SLC24A2: variants seen among roughly 807,000 people sequenced by gnomAD.
The protein encoded by SLC24A2 is solute carrier family 24 member 2.
In SLC24A2, 36 loss-of-function variants were observed where a neutral mutation model predicts 62.0. The ratio of observed to expected loss-of-function variants is 0.58; its 90% CI spans 0.44 to 0.77. The LOEUF (loss-of-function observed/expected upper bound fraction) is 0.77. SLC24A2 is among the 30% of genes least tolerant of loss of function. The pLI, the probability that SLC24A2 is intolerant of heterozygous loss-of-function variation, is 0.00. For synonymous variants in SLC24A2, 358 were observed against 294.0 expected, an observed-to-expected ratio of 1.22 and a Z score of -2.23; for missense variants, 846 against 817.9, an observed-to-expected ratio of 1.03 and a Z score of -0.42.
intron 8 of SLC24A2, among the ~76,000 whole-genome samples, chr9:19,547,284 A>G (rs934837555): frequency 6.6e-6 from 1 of 152,172 alleles, no homozygotes; most frequent in Non-Finnish European, 1.5e-5. Flanking sequence ...TTGGGGGAGC[A>G]ATGAAGTAAA....
At chr9:20,007,742 A>T in the SLC24A2 span, among the ~76,000 whole-genome samples, 1 of 152,026 alleles carries the variant, frequency 6.6e-6, no homozygotes, top group Non-Finnish European at 1.5e-5. Flanking sequence ...GAATTAGTTC[A>T]GCACAGTTTT....
At chr9:19,685,262 G>A (rs1819846630) in intron 2 of SLC24A2, among the ~76,000 whole-genome samples, 1 of 152,066 alleles carries the variant, frequency 6.6e-6, no homozygotes. Context: ...AATCATAGAT[G>A]ACACAAACAA....
At chr9:20,165,610 A>T in the SLC24A2 span, among the ~76,000 whole-genome samples, 2 of 151,986 alleles carry the variant, frequency 1.3e-5, no homozygotes, top group Non-Finnish European at 2.9e-5. Context: ...AAATACAACC[A>T]TTGCCCCCAC....
chr9:19,509,866 T>A lies in SLC24A2; in HGVS notation c.*6287A>T, dbSNP rs1412575477. ...AATATGTAAGAATGCAGAAACAAAT[T>A]CCCATCCTTTTGGTGAACCCTGGCC... On this transcript the variant is annotated 3_prime_UTR_variant, in exon 11 of 11. Transcript: ENST00000341998. The A allele has an allele frequency of 6.6e-6, 1 of 152,078 alleles. No individual in the cohort carries two copies. Among genetic ancestry groups the A allele is most frequent in the East Asian group, 1.9e-4 (1 of 5,170 alleles). The allele number at this position is 152,078 out of a possible 1,614,324, so 9.4% of individuals were successfully genotyped here.
the SLC24A2 span, among the ~76,000 whole-genome samples, chr9:19,973,395 C>T: frequency 4.5e-4 from 68 of 152,356 alleles, no homozygotes; most frequent in Middle Eastern, 0.01. Context: ...ACAGACCCTA[C>T]ATCCAGTGAA....
the SLC24A2 span, among the ~76,000 whole-genome samples, chr9:20,234,736 A>C: frequency 1.3e-5 from 2 of 152,226 alleles, no homozygotes; most frequent in South Asian, 2.1e-4. Context: ...CGTCAAAGTC[A>C]TTCTCCATCC....
chr9:19,966,553 A>G, the SLC24A2 span, among the ~76,000 whole-genome samples: 1 of 152,186 alleles, frequency 6.6e-6, no homozygotes, highest in Non-Finnish European at 1.5e-5. Flanking sequence ...TCAACTCTAG[A>G]CACTTAAATA....
the SLC24A2 span, among the ~76,000 whole-genome samples, chr9:20,031,075 T>C: frequency 6.6e-6 from 1 of 151,724 alleles, no homozygotes; most frequent in African/African-American, 2.4e-5. Flanking sequence ...ATTTAGAATA[T>C]AGAGAGAGAT....
chr9:20,306,455 C>T, the SLC24A2 span, among the ~76,000 whole-genome samples: 1 of 152,190 alleles, frequency 6.6e-6, no homozygotes, highest in Non-Finnish European at 1.5e-5. Context: ...AAAGGTTCCA[C>T]AAATAGAGAA....
chr9:19,717,607 A>C (rs1820895865), intron 2 of SLC24A2, among the ~76,000 whole-genome samples: 1 of 152,238 alleles, frequency 6.6e-6, no homozygotes, highest in Admixed American at 6.5e-5. Flanking sequence ...AGTCTATACA[A>C]AGCCATCTAC....
intron 7 of SLC24A2, 72 bp from the exon 8 acceptor site, chr9:19,550,340 C>G: frequency 6.7e-7 from 1 of 1,492,132 alleles, no homozygotes; most frequent in Admixed American, 1.7e-5. Flanking sequence ...AACAGGAGCA[C>G]AGAACAAAGG....
chr9:19,746,459 G>A (rs1490869837), intron 2 of SLC24A2, among the ~76,000 whole-genome samples: 1 of 152,008 alleles, frequency 6.6e-6, no homozygotes, highest in African/African-American at 2.4e-5. Context: ...ATAGCATGTG[G>A]AGTCTCATGG....
the SLC24A2 span, among the ~76,000 whole-genome samples, chr9:20,270,031 G>A: frequency 5.9e-5 from 9 of 152,312 alleles, no homozygotes; most frequent in East Asian, 3.9e-4. Flanking sequence ...AGGGGAAGCA[G>A]ACGTGTGAAG....
chr9:19,986,165 T>A, the SLC24A2 span, among the ~76,000 whole-genome samples: 1 of 151,932 alleles, frequency 6.6e-6, no homozygotes, highest in Non-Finnish European at 1.5e-5. Context: ...AAATGACCAA[T>A]AAGCGCATGA....
chr9:19,953,134 A>T, the SLC24A2 span, among the ~76,000 whole-genome samples: 6 of 152,030 alleles, frequency 3.9e-5, no homozygotes, highest in Non-Finnish European at 8.8e-5. Context: ...CATTCTTGAC[A>T]TTGGTAATTT....
rs368092168 is a variant in SLC24A2, at chr9:19,639,376, G to A, written c.931-17077C>T. On this transcript the variant is annotated intron_variant, in intron 2 of 10. Transcript: ENST00000341998. ...CCTTGTTTTGGATTAATCTTGTGAC[G>A]CTTTGGGCAACAGAATATGGTGGAA... Among the ~76,000 whole-genome samples the A allele has an allele frequency of 6.3e-4, 96 of 152,220 alleles. 2 individuals carry two copies. The highest frequency in any genetic ancestry group is 2.2e-3 in the African/African-American group (91 of 41,536).
chr9:19,525,416 TTTTA>T (rs1338452902), intron 9 of SLC24A2, among the ~76,000 whole-genome samples: 11 of 143,416 alleles, frequency 7.7e-5, no homozygotes, highest in African/African-American at 2.3e-4. Flanking sequence ...TTTTTTTTTT[TTTTA>T]AAAGACAGGG....
chr9:20,082,969 C>G, the SLC24A2 span, among the ~76,000 whole-genome samples: 4 of 152,214 alleles, frequency 2.6e-5, no homozygotes, highest in African/African-American at 9.6e-5. Context: ...GAGAAACACA[C>G]AGGCAATGTG....
chr9:20,243,262 T>C, the SLC24A2 span, among the ~76,000 whole-genome samples: 16 of 152,332 alleles, frequency 1.1e-4, no homozygotes, highest in Admixed American at 2.0e-4. Flanking sequence ...ATCTGCTGTA[T>C]TTCAAGTGAG....
Sources: gnomAD v4.1 joint callset for allele counts (sites outside exome capture counted in the v4.1 genomes callset) on GRCh38, gnomAD v4.1.1 for gene constraint, MANE v1.5 for transcripts, NCBI Gene and HGNC (gene_info 2026-07-23, HGNC 2026-07-21) for gene names.